Variants in CLCF1 observed in about 807,000 individuals in gnomAD.
The protein encoded by CLCF1 is cardiotrophin like cytokine factor 1, also known as cardiotrophin-like cytokine factor 1.
A neutral mutation model predicts 21.2 loss-of-function variants in CLCF1; 10 were observed. The observed-to-expected ratio is 0.47, with a 90% confidence interval of 0.29 to 0.80. The LOEUF (loss-of-function observed/expected upper bound fraction) is 0.80, where lower values mean the gene tolerates loss of function less well. CLCF1 is among the 30% of genes least tolerant of loss of function. The pLI is 0.09. For synonymous variants in CLCF1, 115 were observed against 120.5 expected (o/e 0.95, Z 0.30); for missense variants, 240 against 293.4 (o/e 0.82, Z 1.33).
At position 67,370,119 on chromosome 11, in the gene CLCF1, G is replaced by T. The variant is rs193230914; in HGVS notation, c.17-2493C>A. 76 of 985,352 alleles carry T rather than the reference G, an allele frequency of 7.7e-5. No individual in the cohort carries two copies. The East Asian group carries it at 3.7e-3, about 49-fold the overall frequency. The allele number at this position is 985,352 out of a possible 1,614,324, so 61.0% of individuals were successfully genotyped here. The stretch of plus-strand genomic sequence containing the variant: ...GAGAAGAGGTTAGGAGAAAAGAAAG[G>T]GGGGGTAGAAGGACAGGGCTCTGCC... On this transcript the variant is annotated intron_variant, in intron 1 of 2. Transcript: ENST00000312438.
In CLCF1 at chr11:67,372,196, T is replaced by C. The variant is rs1862250005; in HGVS notation, c.16+1328A>G. 6.6e-6 allele frequency among the ~76,000 whole-genome samples: 1 copy of C among 151,964 alleles called. No homozygotes were observed. The highest frequency in any genetic ancestry group is 6.5e-5 in the Admixed American group (1 of 15,280). On this transcript the variant is annotated intron_variant, in intron 1 of 2. Coordinates refer to ENST00000312438, the MANE Select transcript of CLCF1 (RefSeq NM_013246.3). The surrounding 1 kb of genome is among the most constrained non-coding windows in gnomAD (Gnocchi z 5.9). ...GGACCCAGTAGAGCAGCGTGCCCAG[T>C]GCCCCCCACCCCTAGCCTCTCTCCA...
At position 67,373,553 on chromosome 11, in the gene CLCF1, G is replaced by A; in HGVS notation, c.-14C>T. 2.9e-6 allele frequency: 4 copies of A among 1,386,230 alleles called. No individual in the cohort carries two copies. The highest frequency in any genetic ancestry group is 1.5e-5 in the African/African-American group (1 of 66,322). 85.9% of individuals were successfully genotyped at this position (1,386,230 alleles called of 1,614,324 possible). ...TCGGAGGTCCATGGGGCTGGGGCCG[G>A]GCCGGCCGGGTGCGGCTCCTCTCCC... On this transcript the variant is annotated 5_prime_UTR_variant, in exon 1 of 3. Transcript: ENST00000312438.
At position 67,370,117 on chromosome 11, in the gene CLCF1, A is replaced by G. The variant is rs1044173158; in HGVS notation, c.17-2491T>C. On this transcript the variant is annotated intron_variant, in intron 1 of 2. Coordinates refer to ENST00000312438, the MANE Select transcript of CLCF1 (RefSeq NM_013246.3). ...GGGAGAAGAGGTTAGGAGAAAAGAA[A>G]GGGGGGGTAGAAGGACAGGGCTCTG... 6 of 985,192 alleles carry G rather than the reference A, an allele frequency of 6.1e-6. No homozygotes were observed. In the African/African-American group the frequency reaches 1.0e-4, roughly 17 times the overall value. 61.0% of individuals were successfully genotyped at this position (985,192 alleles called of 1,614,324 possible).
At chr11:67,367,271 G>A (rs937885156) in intron 2 of CLCF1, among the ~76,000 whole-genome samples, 189 bp downstream of exon 2, 3 of 152,188 alleles carry the variant, frequency 2.0e-5, no homozygotes, top group Admixed American at 1.3e-4. Flanking sequence ...CTAGTCCTGG[G>A]GCCAGGGATG....
intron 1 of CLCF1, chr11:67,369,744 T>C (rs1862189592): frequency 1.0e-6 from 1 of 985,420 alleles, no homozygotes; most frequent in Non-Finnish European, 1.2e-6. Context: ...TTTACCCACA[T>C]GCTGGCCGGA....
chr11:67,370,585 C>T, intron 1 of CLCF1: 4 of 954,382 alleles, frequency 4.2e-6, no homozygotes, highest in Non-Finnish European at 4.8e-6. Context: ...GATCCCTGGG[C>T]CCTAGGAACC....
chr11:67,373,568 G>T lies in CLCF1; in HGVS notation c.-29C>A. ...GCTGGGGCCGGGCCGGCCGGGTGCG[G>T]CTCCTCTCCCGGAGGCTGGCGGAGT... On this transcript the variant is annotated 5_prime_UTR_variant, in exon 1 of 3. Transcript: ENST00000312438. 7.3e-7 allele frequency: 1 copy of T among 1,366,736 alleles called. No individual in the cohort carries two copies. The highest frequency in any genetic ancestry group is 9.4e-7 in the Non-Finnish European group (1 of 1,059,532). 84.7% of individuals were successfully genotyped at this position (1,366,736 alleles called of 1,614,324 possible).
chr11:67,371,159 G>A, intron 1 of CLCF1: 4 of 807,716 alleles, frequency 5.0e-6, no homozygotes, highest in Non-Finnish European at 6.0e-6. Context: ...CCCAGGCAAA[G>A]GCCCACAGAA....
At chr11:67,367,829 G>A in intron 1 of CLCF1, 13 of 985,468 alleles carry the variant, frequency 1.3e-5, no homozygotes, top group Non-Finnish European at 1.2e-5. Flanking sequence ...GTTTGAGGAT[G>A]AGGACTTGGC....
In CLCF1 at chr11:67,365,204, G is replaced by A. The variant is rs747892666; in HGVS notation, c.610C>T (p.Arg204Trp). The A allele has an allele frequency of 2.4e-5, 39 of 1,613,932 alleles. No homozygotes were observed. The highest frequency in any genetic ancestry group is 1.1e-4 in the East Asian group (5 of 44,894). Residue 204 changes from arginine to tryptophan, a missense_variant, in exon 3 of 3, where the codon CGG (arginine) becomes TGG (tryptophan). Coordinates refer to ENST00000312438, the MANE Select transcript of CLCF1 (RefSeq NM_013246.3). This position sits in a 1 kb window ranked among gnomAD's most constrained non-coding sequence, Gnocchi z 5.0. ...GGAGGCTGCATCTTCTTCTTGAGCC[G>A]GTTGAAGTCCTTGGCCGAGCGCCAC... ...WLWRSAKDFNRLKKKMQPPAA... is the reference protein window; with the variant it reads ...WLWRSAKDFNWLKKKMQPPAA...
intron 1 of CLCF1, chr11:67,370,417 C>T (rs1037349656): frequency 2.0e-6 from 2 of 985,008 alleles, no homozygotes; most frequent in Non-Finnish European, 1.2e-6. Context: ...CAGCCCGGCC[C>T]CCGCCCCAGC....
intron 1 of CLCF1, chr11:67,370,630 A>ACT (rs956291572): frequency 1.4e-4 from 126 of 879,634 alleles, no homozygotes; most frequent in Non-Finnish European, 1.6e-4. Context: ...ACACACACAC[A>ACT]CTCTCTCTCT....
Position 67,364,808 on chromosome 11 carries a change from G to T in CLCF1, c.*328C>A, listed in dbSNP as rs979009918. ...GCCCTCCAGATGTGCCACCTGAGGG[G>T]CTGGGTGGGCACTGGCCAAGTGGTA... is the stretch of plus-strand genomic sequence containing the variant. On this transcript the variant is annotated 3_prime_UTR_variant, in exon 3 of 3. Transcript: ENST00000312438. 18 of 322,864 alleles carry T rather than the reference G, an allele frequency of 5.6e-5. No homozygotes were observed. Among genetic ancestry groups the T allele is most frequent in the Non-Finnish European group, 1.1e-4 (18 of 170,760 alleles). 20.0% of individuals were successfully genotyped at this position (322,864 alleles called of 1,614,324 possible).
At chr11:67,369,021 A>AATAACTT in intron 1 of CLCF1, 1 of 983,486 alleles carries the variant, frequency 1.0e-6, no homozygotes, top group Non-Finnish European at 1.2e-6. Flanking sequence ...GATAGGCAGA[A>AATAACTT]ATAACTTAGA....
chr11:67,369,281 C>T (rs1202016646), intron 1 of CLCF1: 8 of 985,338 alleles, frequency 8.1e-6, no homozygotes, highest in East Asian at 2.3e-4. Context: ...GGGAGCGTGG[C>T]GGTGGGGTAC....
intron 1 of CLCF1, among the ~76,000 whole-genome samples, chr11:67,373,007 C>G (rs1862272200): frequency 6.6e-6 from 1 of 151,036 alleles, no homozygotes; most frequent in Admixed American, 6.6e-5. Flanking sequence ...GCCCTCCTCT[C>G]CGCCGCCCGC....
At chr11:67,371,924 C>A (rs1862244467) in intron 1 of CLCF1, among the ~76,000 whole-genome samples, 1 of 151,956 alleles carries the variant, frequency 6.6e-6, no homozygotes, top group African/African-American at 2.4e-5. Context: ...GCCATTGCAC[C>A]CATCAGCAGT....
At position 67,372,552 on chromosome 11, in the gene CLCF1, C is replaced by G. The variant is rs1398288713; in HGVS notation, c.16+972G>C. On this transcript the variant is annotated intron_variant, in intron 1 of 2. Transcript: ENST00000312438. This position sits in a 1 kb window ranked among gnomAD's most constrained non-coding sequence, Gnocchi z 5.9. ...ACCCCTCCCGGCGCTGCGCCTTCCC[C>G]CTGTGTGGCCTCGGCGCCCCCGGCC... Among the ~76,000 whole-genome samples, 2 of 151,060 alleles carry G rather than the reference C, an allele frequency of 1.3e-5. No homozygotes were observed. The highest frequency in any genetic ancestry group is 3.0e-5 in the Non-Finnish European group (2 of 67,604).
chr11:67,366,640 G>A (rs952478279), intron 2 of CLCF1, among the ~76,000 whole-genome samples: 8 of 152,082 alleles, frequency 5.3e-5, no homozygotes, highest in African/African-American at 1.9e-4. Context: ...GAGAAGCAAG[G>A]GGAGAGGCCT....
Sources: gnomAD v4.1 joint callset for allele counts (sites outside exome capture counted in the v4.1 genomes callset) on GRCh38, gnomAD v4.1.1 for gene constraint, Gnocchi (gnomAD v3.1) non-coding constraint, MANE v1.5 for transcripts, NCBI Gene and HGNC (gene_info 2026-07-23, HGNC 2026-07-21) for gene names.